The following LHFPL6 variants were observed in gnomAD, a reference collection of about 807,000 sequenced individuals.
The protein encoded by LHFPL6 is LHFPL tetraspan subfamily member 6.
A neutral mutation model predicts 20.6 loss-of-function variants in LHFPL6; 9 were observed. The ratio of observed to expected loss-of-function variants is 0.44; its 90% CI spans 0.26 to 0.76. The LOEUF is 0.76. LHFPL6 is among the 30% of genes least tolerant of loss of function. The pLI is 0.20. For missense variants in LHFPL6, 218 were observed against 253.5 expected (o/e 0.86, Z 0.95); for synonymous variants, 105 against 98.7 (o/e 1.06, Z -0.38).
intron 2 of LHFPL6, among the ~76,000 whole-genome samples, chr13:39,383,064 G>C (rs1870482376): frequency 6.6e-6 from 1 of 152,156 alleles, no homozygotes; most frequent in South Asian, 2.1e-4. Flanking sequence ...TATGGTAAAA[G>C]GGAGTTTCAG....
chr13:39,558,427 G>A (rs1365473524), intron 2 of LHFPL6, among the ~76,000 whole-genome samples: 1 of 152,150 alleles, frequency 6.6e-6, no homozygotes, highest in African/African-American at 2.4e-5. Flanking sequence ...AAGTTCAATA[G>A]GACATTTTGA....
intron 3 of LHFPL6, among the ~76,000 whole-genome samples, chr13:39,378,013 A>G (rs555161088): frequency 6.6e-6 from 1 of 152,348 alleles, no homozygotes; most frequent in South Asian, 2.1e-4. Context: ...AAGTGGCCTT[A>G]TTAGACCAAC....
Position 39,343,836 on chromosome 13 carries a change from T to C in LHFPL6, c.*100A>G. 1 of 773,918 alleles carries C rather than the reference T, an allele frequency of 1.3e-6. No homozygotes were observed. The allele number at this position is 773,918 out of a possible 1,614,324, so 47.9% of individuals were successfully genotyped here. A position where few individuals can be genotyped will look rare whatever the true frequency, so the allele number is the denominator to read the frequency against. ...TTCATTTTATTAGCATTGTATTGGATTAGAACTACTATCCCACCTTTTGAA... is the reference window on the plus strand; with the variant it reads ...TTCATTTTATTAGCATTGTATTGGACTAGAACTACTATCCCACCTTTTGAA... On this transcript the variant is annotated 3_prime_UTR_variant, in exon 4 of 4. Coordinates refer to ENST00000379589, the MANE Select transcript of LHFPL6 (RefSeq NM_005780.3).
At chr13:39,432,604 T>C (rs1426717078) in intron 2 of LHFPL6, among the ~76,000 whole-genome samples, 1 of 152,138 alleles carries the variant, frequency 6.6e-6, no homozygotes, top group Admixed American at 6.5e-5. Flanking sequence ...GCAACCCACC[T>C]CCATCCCAGG....
chr13:39,461,630 T>G (rs1388451073), intron 2 of LHFPL6, among the ~76,000 whole-genome samples: 1 of 152,082 alleles, frequency 6.6e-6, no homozygotes, highest in Non-Finnish European at 1.5e-5. Flanking sequence ...TGATTTATAT[T>G]CAGAGATGCT....
chr13:39,455,718 C>T (rs543728503), intron 2 of LHFPL6, among the ~76,000 whole-genome samples: 43 of 152,210 alleles, frequency 2.8e-4, no homozygotes, highest in African/African-American at 9.2e-4. Flanking sequence ...TCAGATGCTG[C>T]GAAGCGATTA....
intron 2 of LHFPL6, among the ~76,000 whole-genome samples, chr13:39,581,007 G>A (rs1240573451): frequency 1.3e-5 from 2 of 152,148 alleles, no homozygotes; most frequent in Admixed American, 1.3e-4. Flanking sequence ...TTACAGACTT[G>A]AGGAAACAGT....
At chr13:39,595,311 T>A (rs181764067) in intron 2 of LHFPL6, among the ~76,000 whole-genome samples, 216 of 152,270 alleles carry the variant, frequency 1.4e-3, no homozygotes, top group African/African-American at 5.1e-3. Context: ...TCTTTCCTTT[T>A]TTTTGAGACA....
At chr13:39,423,589 A>G (rs537335899) in intron 2 of LHFPL6, among the ~76,000 whole-genome samples, 1 of 152,202 alleles carries the variant, frequency 6.6e-6, no homozygotes, top group Admixed American at 6.5e-5. Flanking sequence ...ATGGCTGGCT[A>G]ATTTTTCTCA....
At chr13:39,391,406 T>G (rs1364127618) in intron 2 of LHFPL6, among the ~76,000 whole-genome samples, 4 of 152,198 alleles carry the variant, frequency 2.6e-5, no homozygotes, top group African/African-American at 9.7e-5. Flanking sequence ...CTCTTGAGTA[T>G]GTTTCCTCAT....
intron 2 of LHFPL6, among the ~76,000 whole-genome samples, chr13:39,537,686 TAAAAG>T (rs1870663006): frequency 1.3e-5 from 2 of 152,182 alleles, no homozygotes; most frequent in Non-Finnish European, 1.5e-5. Flanking sequence ...TTCCTCTACT[TAAAAG>T]GAAAGAAATG....
chr13:39,492,612 A>C (rs1021610532), intron 2 of LHFPL6, among the ~76,000 whole-genome samples: 2 of 152,062 alleles, frequency 1.3e-5, no homozygotes, highest in Non-Finnish European at 2.9e-5. Context: ...ATTTTTTCCA[A>C]AAAAAGGTAA....
intron 2 of LHFPL6, among the ~76,000 whole-genome samples, chr13:39,411,338 A>G (rs1240032754): frequency 1.3e-5 from 2 of 152,202 alleles, no homozygotes; most frequent in Non-Finnish European, 2.9e-5. Context: ...TGCTCAATAT[A>G]TGTGGATTTG....
chr13:39,386,960 A>G (rs775361940), intron 2 of LHFPL6, among the ~76,000 whole-genome samples: 24 of 152,320 alleles, frequency 1.6e-4, no homozygotes, highest in Non-Finnish European at 3.2e-4. Context: ...CGAAGCCTCA[A>G]CACATTGCCT....
At chr13:39,390,692 C>T (rs1207148281) in intron 2 of LHFPL6, among the ~76,000 whole-genome samples, 1 of 152,084 alleles carries the variant, frequency 6.6e-6, no homozygotes, top group Non-Finnish European at 1.5e-5. Context: ...CAAATAAAAA[C>T]TTTTTAAAAA....
At chr13:39,347,124 A>G (rs550056449) in intron 3 of LHFPL6, among the ~76,000 whole-genome samples, 1 of 152,020 alleles carries the variant, frequency 6.6e-6, no homozygotes, top group African/African-American at 2.4e-5. Flanking sequence ...GAATTCTCAA[A>G]AATCAATGTC....
chr13:39,420,089 C>A (rs1213606701), intron 2 of LHFPL6, among the ~76,000 whole-genome samples: 1 of 152,164 alleles, frequency 6.6e-6, no homozygotes, highest in African/African-American at 2.4e-5. Flanking sequence ...CGCTAACAGG[C>A]AAGCCTCCTT....
At chr13:39,351,217 T>C (rs1241702830) in intron 3 of LHFPL6, among the ~76,000 whole-genome samples, 1 of 152,216 alleles carries the variant, frequency 6.6e-6, no homozygotes, top group African/African-American at 2.4e-5. Context: ...AATCGTCATA[T>C]AACAGCTGTC....
At chr13:39,381,267 G>C (rs1298232282) in intron 2 of LHFPL6, among the ~76,000 whole-genome samples, 1 of 152,160 alleles carries the variant, frequency 6.6e-6, no homozygotes, top group East Asian at 1.9e-4. Context: ...ACCTAGTCTG[G>C]CCCAGTCTTA....
Sources: allele counts gnomAD v4.1 joint callset (sites outside exome capture counted in the v4.1 genomes callset), GRCh38; gene constraint gnomAD v4.1.1; transcripts MANE v1.5; gene names NCBI Gene and HGNC (gene_info 2026-07-23, HGNC 2026-07-21).